WWOX: variants seen among roughly 807,000 people sequenced by gnomAD.
The protein encoded by WWOX is WW domain-containing oxidoreductase.
WWOX carries 69 observed loss-of-function variants against 46.2 expected under a neutral mutation model. The ratio of observed to expected loss-of-function variants is 1.49; its 90% CI spans 1.23 to 1.82. WWOX has a LOEUF of 1.82. Ranked by LOEUF, WWOX falls within the 40% of genes most tolerant of loss-of-function variation. The pLI is 0.00. For missense variants in WWOX, 919 were observed against 542.6 expected (o/e 1.69, Z -6.89); for synonymous variants, 359 against 202.6 (o/e 1.77, Z -6.56).
chr16:78,657,125 C>A (rs947850465), intron 8 of WWOX, among the ~76,000 whole-genome samples: 1 of 152,178 alleles, frequency 6.6e-6, no homozygotes. Flanking sequence ...GCCACTTTGG[C>A]CCCTGCGTCA....
chr16:79,074,304 A>AC (rs1363579309), intron 8 of WWOX, among the ~76,000 whole-genome samples: 2 of 146,156 alleles, frequency 1.4e-5, no homozygotes, highest in Non-Finnish European at 3.0e-5. Flanking sequence ...GTTGGCTGTC[A>AC]CCCCCATTTC....
intron 8 of WWOX, among the ~76,000 whole-genome samples, chr16:78,859,752 A>G (rs924982581): frequency 7.8e-4 from 119 of 152,166 alleles, no homozygotes; most frequent in African/African-American, 2.7e-3. Context: ...ACTAATAGCT[A>G]TTGATGGTTA....
chr16:78,719,704 A>G (rs533463557), intron 8 of WWOX, among the ~76,000 whole-genome samples: 15 of 152,250 alleles, frequency 9.9e-5, no homozygotes, highest in Non-Finnish European at 1.5e-4. Context: ...GAAATGTATT[A>G]GTAACATTTG....
At chr16:78,345,240 A>G (rs1368062100) in intron 5 of WWOX, among the ~76,000 whole-genome samples, 1 of 115,744 alleles carries the variant, frequency 8.6e-6, no homozygotes, top group Non-Finnish European at 2.0e-5. Flanking sequence ...ACCTCTCTGG[A>G]CATCGTATTC....
intron 8 of WWOX, among the ~76,000 whole-genome samples, chr16:79,210,143 G>T (rs764583431): frequency 6.6e-6 from 1 of 152,082 alleles, no homozygotes; most frequent in Non-Finnish European, 1.5e-5. Context: ...TCCACACCCC[G>T]CCCAGAGTCG....
chr16:78,286,293 G>A (rs948458112), intron 5 of WWOX, among the ~76,000 whole-genome samples: 8 of 152,328 alleles, frequency 5.3e-5, no homozygotes, highest in Non-Finnish European at 1.2e-4. Context: ...GTACCATATG[G>A]TTGCCCAGTG....
At chr16:78,600,800 C>T (rs1418885673) in intron 8 of WWOX, among the ~76,000 whole-genome samples, 5 of 152,118 alleles carry the variant, frequency 3.3e-5, no homozygotes, top group African/African-American at 1.2e-4. Flanking sequence ...AGTGCTCAAC[C>T]CTTTGAATCG....
intron 8 of WWOX, among the ~76,000 whole-genome samples, chr16:78,561,571 A>T (rs76950152): frequency 0.023 from 3,538 of 152,108 alleles, 116 homozygotes; most frequent in African/African-American, 0.074. Flanking sequence ...AATTTTATGT[A>T]TCAAAGCCCC....
At chr16:78,637,262 A>T (rs758344958) in intron 8 of WWOX, among the ~76,000 whole-genome samples, 1 of 151,932 alleles carries the variant, frequency 6.6e-6, no homozygotes, top group African/African-American at 2.4e-5. Context: ...CCAACCAACG[A>T]CCCTTCCCAT....
intron 8 of WWOX, among the ~76,000 whole-genome samples, chr16:78,647,495 G>C (rs537640898): frequency 6.6e-6 from 1 of 152,216 alleles, no homozygotes; most frequent in Admixed American, 6.5e-5. Flanking sequence ...AGCACCTTGG[G>C]GTCTGTTAGA....
chr16:78,907,998 G>A (rs894651951), intron 8 of WWOX, among the ~76,000 whole-genome samples: 1 of 152,162 alleles, frequency 6.6e-6, no homozygotes, highest in Non-Finnish European at 1.5e-5. Flanking sequence ...AAGGAATTTC[G>A]AGTTTATCTC....
chr16:78,401,395 C>G (rs965240746), intron 6 of WWOX, among the ~76,000 whole-genome samples: 7 of 152,260 alleles, frequency 4.6e-5, no homozygotes, highest in Non-Finnish European at 8.8e-5. Flanking sequence ...TGGCAAAATT[C>G]TAATAGGCTG....
At chr16:79,175,797 C>A (rs963751401) in intron 8 of WWOX, among the ~76,000 whole-genome samples, 1 of 152,120 alleles carries the variant, frequency 6.6e-6, no homozygotes, top group Non-Finnish European at 1.5e-5. Flanking sequence ...TCTGTTTGGT[C>A]CCAATGTGCC....
chr16:78,369,903 C>T (rs1405774734), intron 5 of WWOX, among the ~76,000 whole-genome samples: 6 of 151,806 alleles, frequency 4.0e-5, no homozygotes, highest in East Asian at 1.9e-4. Context: ...GAGGCCGAGG[C>T]GGGAGGATCA....
At chr16:78,310,954 A>T (rs576230972) in intron 5 of WWOX, among the ~76,000 whole-genome samples, 99 of 152,326 alleles carry the variant, frequency 6.5e-4, no homozygotes, top group South Asian at 3.9e-3. Context: ...GGGAAGCCCC[A>T]GAGAAATAGA....
chr16:78,807,983 T>G (rs1421971344), intron 8 of WWOX, among the ~76,000 whole-genome samples: 2 of 152,220 alleles, frequency 1.3e-5, no homozygotes, highest in Non-Finnish European at 2.9e-5. Flanking sequence ...GGTTCTCCTT[T>G]TTCTTTTTCC....
At chr16:78,591,024 A>C (rs2045338485) in intron 8 of WWOX, among the ~76,000 whole-genome samples, 1 of 152,194 alleles carries the variant, frequency 6.6e-6, no homozygotes, top group Admixed American at 6.5e-5. Context: ...TGGCTCCACC[A>C]GTATGAAAAT....
At chr16:79,068,433 T>C (rs1305360101) in intron 8 of WWOX, among the ~76,000 whole-genome samples, 1 of 152,100 alleles carries the variant, frequency 6.6e-6, no homozygotes, top group African/African-American at 2.4e-5. Flanking sequence ...CCTGACACAC[T>C]CCTTCCTCCT....
chr16:78,716,708 A>G (rs1421626171), intron 8 of WWOX, among the ~76,000 whole-genome samples: 2 of 151,612 alleles, frequency 1.3e-5, no homozygotes, highest in Non-Finnish European at 1.5e-5. Flanking sequence ...ACCTCCAGAG[A>G]GATTTTCTTA....
Sources: gnomAD v4.1 joint callset for allele counts (sites outside exome capture counted in the v4.1 genomes callset) on GRCh38, gnomAD v4.1.1 for gene constraint, MANE v1.5 for transcripts, NCBI Gene and HGNC (gene_info 2026-07-23, HGNC 2026-07-21) for gene names.